RYR3: variants seen among roughly 807,000 people sequenced by gnomAD.
RYR3 encodes the protein brain ryanodine receptor-calcium release channel.
Under a neutral mutation model 584.3 loss-of-function variants are expected in RYR3, and 207 were observed. That is an observed-to-expected ratio of 0.35 (90% CI 0.32 to 0.40). The LOEUF is 0.40. RYR3 is among the 10% of genes least tolerant of loss of function. The pLI, the probability that RYR3 is intolerant of heterozygous loss-of-function variation, is 1.00. For synonymous variants in RYR3, 2,416 were observed against 2,248.5 expected, an observed-to-expected ratio of 1.07 and a Z score of -2.11; for missense variants, 5,616 against 6,089.2, an observed-to-expected ratio of 0.92 and a Z score of 2.59.
At chr15:33,722,621 T>C in intron 43 of RYR3, 94 bp from the exon 44 acceptor site, 1 of 1,260,284 alleles carries the variant, frequency 7.9e-7, no homozygotes, top group Non-Finnish European at 1.1e-6. Context: ...GGTGATAAGC[T>C]GAACAAAATA....
rs983702183 is a variant in RYR3 at position 33,574,654 on chromosome 15, G to T, written c.1269-5322G>T. 2.0e-5 allele frequency among the ~76,000 whole-genome samples: 3 copies of T among 151,442 alleles called. No homozygotes were observed. In the East Asian group the frequency reaches 5.8e-4, roughly 29 times the overall value. The stretch of plus-strand genomic sequence containing the variant: ...GGAATGATCACCTCACAGCCTGATT[G>T]CTTTCAGAACTTTTTGAGTCTTTGG... On this transcript the variant is annotated intron_variant, in intron 12 of 103. Coordinates refer to ENST00000634891, the MANE Select transcript of RYR3 (RefSeq NM_001036.6).
rs1240470816 is a variant in RYR3, at chr15:33,866,081, A to AATAAAGTAAT, written c.*857_*866dup. The stretch of plus-strand genomic sequence containing the variant: ...TCAAATACAATGAAGTGCCCACTGC[A>AATAAAGTAAT]ATAAAGTAATACGTACCAATACCTC... On this transcript the variant is annotated 3_prime_UTR_variant, in exon 104 of 104. Coordinates refer to ENST00000634891, the MANE Select transcript of RYR3 (RefSeq NM_001036.6). The AATAAAGTAAT allele has an allele frequency of 6.4e-6, 1 of 156,918 alleles. No homozygotes were observed. Among genetic ancestry groups the AATAAAGTAAT allele is most frequent in the East Asian group, 1.9e-4 (1 of 5,300 alleles). 9.7% of individuals were successfully genotyped at this position (156,918 alleles called of 1,614,324 possible).
At chr15:33,434,125 A>G (rs554326128) in intron 1 of RYR3, among the ~76,000 whole-genome samples, 45 of 152,326 alleles carry the variant, frequency 3.0e-4, no homozygotes, top group South Asian at 1.5e-3. Context: ...CACTGGGTCA[A>G]TGTCTTCAAA....
intron 36 of RYR3, among the ~76,000 whole-genome samples, chr15:33,665,263 C>T (rs2063433747): frequency 2.0e-5 from 3 of 152,188 alleles, no homozygotes; most frequent in African/African-American, 7.2e-5. Flanking sequence ...GCTGTGTGGT[C>T]TTCCACATGA....
intron 2 of RYR3, among the ~76,000 whole-genome samples, chr15:33,482,473 G>A (rs143921976): frequency 4.6e-5 from 7 of 152,148 alleles, no homozygotes; most frequent in African/African-American, 1.7e-4. Flanking sequence ...AGGCTGGAGG[G>A]CAATGGCGCC....
At chr15:33,379,687 C>CTCTCTCTCTCTATATATATATA in intron 1 of RYR3, among the ~76,000 whole-genome samples, 32 of 125,514 alleles carry the variant, frequency 2.5e-4, no homozygotes, top group African/African-American at 1.1e-3. Context: ...CTCTCTCTCT[C>CTCTCTCTCTCTATATATATATA]TATATATATA....
At chr15:33,379,705 A>ATATATATATATATATATG (rs1395818432) in intron 1 of RYR3, among the ~76,000 whole-genome samples, 2 of 141,860 alleles carry the variant, frequency 1.4e-5, no homozygotes, top group African/African-American at 5.7e-5. Context: ...ATATATATAT[A>ATATATATATATATATATG]TATGAATTTG....
intron 38 of RYR3, among the ~76,000 whole-genome samples, chr15:33,682,360 T>A (rs1302788675): frequency 6.6e-6 from 1 of 152,190 alleles, no homozygotes; most frequent in African/African-American, 2.4e-5. Flanking sequence ...AGTAGGTTTT[T>A]TTTTTTCCTT....
At chr15:33,769,480 G>A (rs544698390) in intron 62 of RYR3, among the ~76,000 whole-genome samples, 26 of 152,308 alleles carry the variant, frequency 1.7e-4, no homozygotes, top group African/African-American at 6.0e-4. Context: ...ATCTACAAAT[G>A]TTATGGGAAA....
chr15:33,766,786 G>T (rs2073113551), intron 60 of RYR3, among the ~76,000 whole-genome samples: 1 of 152,212 alleles, frequency 6.6e-6, no homozygotes, highest in Middle Eastern at 3.2e-3. Flanking sequence ...TTCTGCATCT[G>T]CAGCCCTTTG....
At chr15:33,793,718 T>C (rs2075303034) in intron 67 of RYR3, among the ~76,000 whole-genome samples, 2 of 152,006 alleles carry the variant, frequency 1.3e-5, no homozygotes, top group South Asian at 4.1e-4. Flanking sequence ...ATTGAAGGGA[T>C]GCAGGACTAT....
intron 1 of RYR3, among the ~76,000 whole-genome samples, chr15:33,338,464 C>A (rs1487483750): frequency 6.6e-6 from 1 of 152,062 alleles, no homozygotes; most frequent in Non-Finnish European, 1.5e-5. Flanking sequence ...ACAGACAAAA[C>A]GGGGTAGGGG....
intron 3 of RYR3, among the ~76,000 whole-genome samples, chr15:33,519,266 G>C (rs2053785337): frequency 6.6e-6 from 1 of 152,192 alleles, no homozygotes; most frequent in Non-Finnish European, 1.5e-5. Flanking sequence ...CATAGATTTT[G>C]TAGTAGGGAT....
At position 33,788,361 on chromosome 15, in the gene RYR3, C is replaced by G. The variant is rs1326688905; in HGVS notation, c.9733C>G (p.Gln3245Glu). The G allele has an allele frequency of 6.2e-7, 1 of 1,613,974 alleles. No homozygotes were observed. Among genetic ancestry groups the G allele is most frequent in the Non-Finnish European group, 8.5e-7 (1 of 1,179,886 alleles). ...GAAAGCCGATGGCAAAGGGGACACC[C>G]AGGAGGCAGAACTCCTCATCCTGGA... ...QLKADGKGDT[Q>E]EAELLILDEF... The change falls in exon 67 of 104, where the codon CAG (glutamine) becomes GAG (glutamate). Residue 3245 changes from glutamine to glutamate, a missense_variant. Physicochemically the swap from Gln to Glu is conservative, Grantham distance 29. Transcript: ENST00000634891.
At chr15:33,601,350 C>T (rs764737081) in intron 16 of RYR3, 69 bp from the exon 17 acceptor site, 5 of 1,511,424 alleles carry the variant, frequency 3.3e-6, no homozygotes, top group Non-Finnish European at 4.5e-6. Context: ...TTCCCTCATG[C>T]ATTGTGGTGG....
intron 70 of RYR3, chr15:33,807,899 A>G (rs1051093739): frequency 2.8e-6 from 1 of 356,302 alleles, no homozygotes; most frequent in African/African-American, 2.1e-5. Flanking sequence ...AACCCAGGGG[A>G]CTACTCCTCG....
intron 10 of RYR3, among the ~76,000 whole-genome samples, chr15:33,553,055 C>A (rs142420994): frequency 4.1e-4 from 62 of 152,164 alleles, no homozygotes; most frequent in African/African-American, 1.3e-3. Flanking sequence ...CCTGAGATAG[C>A]GGTTCAGGAT....
In RYR3 at chr15:33,746,145, A is replaced by G. The variant is rs1270870652; in HGVS notation, c.7977A>G (p.Thr2659=). 12 of 1,593,732 alleles carry G rather than the reference A, an allele frequency of 7.5e-6. No individual in the cohort carries two copies. The highest frequency in any genetic ancestry group is 2.7e-5 in the African/African-American group (2 of 74,622). Residue 2659 remains threonine, a synonymous_variant, in exon 53 of 104, where the codon ACA becomes ACG. Coordinates refer to ENST00000634891, the MANE Select transcript of RYR3 (RefSeq NM_001036.6). ...ACCCACTGATAAGGCCTTTCAAGAC[A>G]TTAACGGAGAAGGTAAGAAGCAGGC... ...KTHPLIRPFK[T]LTEKEKEIYR...
intron 60 of RYR3, 21 bp downstream of exon 60, chr15:33,757,617 G>A (rs754359473): frequency 6.2e-7 from 1 of 1,605,392 alleles, no homozygotes; most frequent in African/African-American, 1.3e-5. Flanking sequence ...AAGATAAAGG[G>A]AAGGTGATGG....
Sources: gnomAD v4.1 joint callset for allele counts (sites outside exome capture counted in the v4.1 genomes callset) on GRCh38, gnomAD v4.1.1 for gene constraint, MANE v1.5 for transcripts, NCBI Gene and HGNC (gene_info 2026-07-23, HGNC 2026-07-21) for gene names.